The following DDX10 variants were observed in gnomAD, a reference collection of about 807,000 sequenced individuals.
The protein encoded by DDX10 is probable ATP-dependent RNA helicase DDX10.
A neutral mutation model predicts 104.3 loss-of-function variants in DDX10; 74 were observed. The ratio of observed to expected loss-of-function variants is 0.71; its 90% CI spans 0.59 to 0.86. The LOEUF is 0.86. Among genes scored for constraint, DDX10 ranks in the 40% least tolerant of loss-of-function variants. The pLI, the probability that DDX10 is intolerant of heterozygous loss-of-function variation, is 0.00. For synonymous variants in DDX10, 351 were observed against 353.4 expected, an observed-to-expected ratio of 0.99 and a Z score of 0.08; for missense variants, 952 against 1,040.0, an observed-to-expected ratio of 0.92 and a Z score of 1.16.
At chr11:108,750,826 T>C (rs1052646437) in intron 13 of DDX10, among the ~76,000 whole-genome samples, 22 of 147,894 alleles carry the variant, frequency 1.5e-4, no homozygotes, top group Non-Finnish European at 2.4e-4. Flanking sequence ...GGCACAGTTA[T>C]AGCTCACTGA....
chr11:108,705,686 A>G (rs2094274827), intron 9 of DDX10, among the ~76,000 whole-genome samples: 2 of 152,330 alleles, frequency 1.3e-5, no homozygotes, highest in South Asian at 4.1e-4. Flanking sequence ...CACATTTTAT[A>G]GTATGAATCC....
At chr11:108,911,547 C>G (rs1412271815) in intron 16 of DDX10, among the ~76,000 whole-genome samples, 1 of 131,188 alleles carries the variant, frequency 7.6e-6, no homozygotes, top group Non-Finnish European at 1.6e-5. Flanking sequence ...AAAAGCTTTG[C>G]CTCCTCTTCT....
At chr11:108,804,064 A>T (rs1453192935) in intron 13 of DDX10, among the ~76,000 whole-genome samples, 5 of 152,214 alleles carry the variant, frequency 3.3e-5, no homozygotes, top group Non-Finnish European at 7.3e-5. Context: ...AAATGTAAGT[A>T]AGCGGCTCAG....
At chr11:108,804,286 G>T (rs867102589) in intron 13 of DDX10, among the ~76,000 whole-genome samples, 2 of 151,952 alleles carry the variant, frequency 1.3e-5, no homozygotes, top group Admixed American at 6.6e-5. Flanking sequence ...TTGCTTGAGC[G>T]TAGGGGCTTG....
chr11:108,848,170 G>A (rs1032978188), intron 15 of DDX10, among the ~76,000 whole-genome samples: 1 of 152,098 alleles, frequency 6.6e-6, no homozygotes. Flanking sequence ...TAAATGTTGT[G>A]GTTAGTAGTA....
intron 13 of DDX10, among the ~76,000 whole-genome samples, chr11:108,825,241 G>C (rs1055738620): frequency 2.3e-4 from 35 of 152,218 alleles, no homozygotes; most frequent in African/African-American, 8.4e-4. Flanking sequence ...GTGTTGGAAT[G>C]AGGGCTTGAG....
chr11:108,826,121 C>A (rs1221657411), intron 13 of DDX10, among the ~76,000 whole-genome samples: 1 of 151,836 alleles, frequency 6.6e-6, no homozygotes, highest in Non-Finnish European at 1.5e-5. Flanking sequence ...TTTTTTGATG[C>A]GAAAACAATT....
chr11:108,673,599 A>C (rs2094219967), intron 2 of DDX10, 72 bp downstream of exon 2: 2 of 1,170,936 alleles, frequency 1.7e-6, no homozygotes, highest in Non-Finnish European at 2.5e-6. Flanking sequence ...GAAGATTTAG[A>C]GGGTTTAGCC....
intron 11 of DDX10, among the ~76,000 whole-genome samples, chr11:108,718,563 T>A (rs958963895): frequency 2.0e-5 from 3 of 152,220 alleles, no homozygotes; most frequent in Non-Finnish European, 4.4e-5. Context: ...CAGTTATCTA[T>A]CAGAAAATAT....
chr11:108,875,312 T>C (rs1412062639), intron 16 of DDX10, among the ~76,000 whole-genome samples: 2 of 152,192 alleles, frequency 1.3e-5, no homozygotes, highest in African/African-American at 4.8e-5. Context: ...TTTATCTCTA[T>C]TGAGAACTTA....
chr11:108,880,058 T>G (rs2134631079), intron 16 of DDX10, among the ~76,000 whole-genome samples: 1 of 152,366 alleles, frequency 6.6e-6, no homozygotes, highest in Admixed American at 6.5e-5. Context: ...TTGGTCAGTT[T>G]AGGCTGTCAT....
intron 13 of DDX10, among the ~76,000 whole-genome samples, chr11:108,753,119 C>A (rs1385079383): frequency 1.3e-5 from 2 of 151,090 alleles, no homozygotes; most frequent in African/African-American, 4.8e-5. Flanking sequence ...CTCTATAATG[C>A]ATAAAATTTC....
At chr11:108,779,504 G>C (rs1215609006) in intron 13 of DDX10, among the ~76,000 whole-genome samples, 2 of 151,912 alleles carry the variant, frequency 1.3e-5, no homozygotes, top group Non-Finnish European at 2.9e-5. Context: ...CATGGACACA[G>C]GGTGGGGAAC....
At chr11:108,887,964 C>CT (rs1555037401) in intron 16 of DDX10, among the ~76,000 whole-genome samples, 2 of 151,100 alleles carry the variant, frequency 1.3e-5, no homozygotes, top group African/African-American at 2.4e-5. Context: ...TTTTTTCCCC[C>CT]CCACTTTCTA....
chr11:108,912,960 A>C (rs1028728756), intron 16 of DDX10, among the ~76,000 whole-genome samples: 3 of 152,062 alleles, frequency 2.0e-5, no homozygotes, highest in Non-Finnish European at 4.4e-5. Flanking sequence ...TCCCTGCTTC[A>C]AGTTGTCCTG....
At chr11:108,798,935 T>C (rs1298137009) in intron 13 of DDX10, among the ~76,000 whole-genome samples, 1 of 152,188 alleles carries the variant, frequency 6.6e-6, no homozygotes. Flanking sequence ...CCAGACAATA[T>C]GAAAAATGTA....
Position 108,774,128 on chromosome 11 carries a change from TCTTA to T in DDX10, c.1965+50670_1965+50673del, listed in dbSNP as rs565621030. 4.0e-4 allele frequency among the ~76,000 whole-genome samples: 61 copies of T among 152,364 alleles called. 2 individuals are homozygous for T. The South Asian group carries it at 0.013, about 32-fold the overall frequency. On this transcript the variant is annotated intron_variant, in intron 13 of 17. Coordinates refer to ENST00000322536, the MANE Select transcript of DDX10 (RefSeq NM_004398.4). ...CCAGAAAGAGAAATCAGGCTTGTTG[TCTTA>T]CTTGTTACCAGTAGGAAATGTGGAA... is the stretch of plus-strand genomic sequence containing the variant.
At chr11:108,851,674 G>T (rs189383432) in intron 15 of DDX10, among the ~76,000 whole-genome samples, 336 of 149,098 alleles carry the variant, frequency 2.3e-3, no homozygotes, top group African/African-American at 8.3e-3. Flanking sequence ...AGAATGTATC[G>T]CAAAAAGCAC....
intron 13 of DDX10, among the ~76,000 whole-genome samples, chr11:108,793,586 A>T (rs945000227): frequency 6.6e-6 from 1 of 152,228 alleles, no homozygotes; most frequent in African/African-American, 2.4e-5. Flanking sequence ...TAAAAAACAT[A>T]TATTTCCAAC....
Sources: allele counts gnomAD v4.1 joint callset (sites outside exome capture counted in the v4.1 genomes callset), GRCh38; gene constraint gnomAD v4.1.1; transcripts MANE v1.5; gene names NCBI Gene and HGNC (gene_info 2026-07-23, HGNC 2026-07-21).